DPP6: variants seen among roughly 807,000 people sequenced by gnomAD.
DPP6 encodes A-type potassium channel modulatory protein DPP6.
A neutral mutation model predicts 122.6 loss-of-function variants in DPP6; 69 were observed. That is an observed-to-expected ratio of 0.56 (90% CI 0.46 to 0.69). DPP6 has a LOEUF of 0.69. Ranked by LOEUF, DPP6 falls within the 30% of genes least tolerant of loss-of-function variation. DPP6 has a pLI of 0.00. For synonymous variants in DPP6, 418 were observed against 433.1 expected, an observed-to-expected ratio of 0.97 and a Z score of 0.43; for missense variants, 928 against 1,116.9, an observed-to-expected ratio of 0.83 and a Z score of 2.41.
At chr7:154,209,097 A>G (rs932490260) in intron 1 of DPP6, among the ~76,000 whole-genome samples, 8 of 152,210 alleles carry the variant, frequency 5.3e-5, no homozygotes, top group African/African-American at 1.2e-4. Flanking sequence ...TTTTGTTTCA[A>G]TGAGGATCTG....
At chr7:154,648,294 C>G (rs1345272396) in intron 6 of DPP6, among the ~76,000 whole-genome samples, 2 of 151,946 alleles carry the variant, frequency 1.3e-5, no homozygotes, top group African/African-American at 4.8e-5. Context: ...CACTGAGCCC[C>G]TCGCAAGTGC....
intron 8 of DPP6, among the ~76,000 whole-genome samples, chr7:154,763,158 C>A (rs113541887): frequency 2.6e-5 from 4 of 152,114 alleles, no homozygotes; most frequent in South Asian, 2.1e-4. Flanking sequence ...ATGGTGAAAC[C>A]CCGTCTCTAC....
intron 5 of DPP6, among the ~76,000 whole-genome samples, chr7:154,582,459 A>T (rs1832136175): frequency 6.6e-6 from 1 of 152,164 alleles, no homozygotes; most frequent in African/African-American, 2.4e-5. Flanking sequence ...GAACTAGAGA[A>T]CGGGAAGCTG....
chr7:154,025,240 G>C (rs59871356), intron 1 of DPP6, among the ~76,000 whole-genome samples: 36,190 of 145,630 alleles, frequency 0.25, 5,548 homozygotes, highest in African/African-American at 0.44. Flanking sequence ...CAGCTCAGAA[G>C]ACACTATCTT....
intron 1 of DPP6, among the ~76,000 whole-genome samples, chr7:154,101,935 CAAAAAAAA>C (rs915468915): frequency 2.4e-5 from 1 of 40,828 alleles, no homozygotes; most frequent in Non-Finnish European, 4.9e-5. Context: ...TACTCCATCT[CAAAAAAAA>C]AAAAAAAAAA....
At chr7:154,544,420 G>T (rs969390062) in intron 4 of DPP6, among the ~76,000 whole-genome samples, 9 of 152,222 alleles carry the variant, frequency 5.9e-5, no homozygotes, top group Admixed American at 4.6e-4. Context: ...AAGCTCACTG[G>T]AGCAGGTTCT....
intron 1 of DPP6, among the ~76,000 whole-genome samples, chr7:154,381,869 T>A (rs1813641420): frequency 6.6e-6 from 1 of 152,108 alleles, no homozygotes; most frequent in Non-Finnish European, 1.5e-5. Context: ...GGCCGGGCCC[T>A]TCAAAAACTG....
the DPP6 span, among the ~76,000 whole-genome samples, chr7:153,763,641 G>A: frequency 1.3e-5 from 2 of 152,182 alleles, no homozygotes; most frequent in Non-Finnish European, 2.9e-5. Flanking sequence ...AGAAAAGTGT[G>A]AATAGAAATC....
chr7:153,864,290 T>C, the DPP6 span, among the ~76,000 whole-genome samples: 4 of 152,182 alleles, frequency 2.6e-5, no homozygotes, highest in Admixed American at 2.6e-4. Context: ...GGTTGTGAAA[T>C]GGCAACTCAT....
chr7:154,051,912 G>A (rs1381720161), upstream of DPP6, among the ~76,000 whole-genome samples: 2 of 151,780 alleles, frequency 1.3e-5, no homozygotes, highest in East Asian at 4.0e-4. Context: ...GCTCTCCCAC[G>A]CCCCATTCGC....
At chr7:154,813,334 C>T (rs10257618) in intron 16 of DPP6, among the ~76,000 whole-genome samples, 2,096 of 152,176 alleles carry the variant, frequency 0.014, 45 homozygotes, top group African/African-American at 0.048. Context: ...CTGCCCACCT[C>T]GGCCTCCCAA....
At chr7:154,777,718 G>C (rs1016000349) in intron 10 of DPP6, among the ~76,000 whole-genome samples, 2 of 152,038 alleles carry the variant, frequency 1.3e-5, no homozygotes, top group Non-Finnish European at 2.9e-5. Flanking sequence ...GATCCTGTTT[G>C]GATGCAGCGC....
At chr7:154,322,784 C>T (rs1808089370) in intron 1 of DPP6, among the ~76,000 whole-genome samples, 1 of 152,150 alleles carries the variant, frequency 6.6e-6, no homozygotes, top group South Asian at 2.1e-4. Context: ...AGGCAGTAAA[C>T]ATTGTAGTCT....
chr7:154,892,833 C>G lies in DPP6; in HGVS notation c.*353C>G, dbSNP rs757655824. 1 of 550,086 alleles carries G rather than the reference C, an allele frequency of 1.8e-6. No homozygotes were observed. The highest frequency in any genetic ancestry group is 3.6e-6 in the Non-Finnish European group (1 of 280,870). The allele number at this position is 550,086 out of a possible 1,614,324, so 34.1% of individuals were successfully genotyped here. A position where few individuals can be genotyped will look rare whatever the true frequency, so the allele number is the denominator to read the frequency against. ...ACACCGGCCCCTAGATTCCAGCCAC[C>G]AAGCGGAAGCATGAGACCCGCCCAC... On this transcript the variant is annotated 3_prime_UTR_variant, in exon 26 of 26. Transcript: ENST00000377770.
chr7:154,076,563 A>G (rs1339549981), intron 1 of DPP6, among the ~76,000 whole-genome samples: 1 of 150,958 alleles, frequency 6.6e-6, no homozygotes, highest in East Asian at 1.9e-4. Flanking sequence ...GCCTGAGATT[A>G]AGTAATAATA....
intron 18 of DPP6, among the ~76,000 whole-genome samples, chr7:154,869,592 G>A (rs1025633732): frequency 6.6e-6 from 1 of 152,168 alleles, no homozygotes; most frequent in Non-Finnish European, 1.5e-5. Flanking sequence ...GTGTGGCTGG[G>A]TCTGGAGGCT....
rs116703667 is a variant in DPP6, at chr7:154,566,257, C to T, written c.553-585C>T. Among the ~76,000 whole-genome samples, 189 of 152,026 alleles carry T rather than the reference C, an allele frequency of 1.2e-3. 1 individual carries two copies. Among genetic ancestry groups the T allele is most frequent in the African/African-American group, 4.4e-3 (183 of 41,488 alleles). On this transcript the variant is annotated intron_variant, in intron 4 of 25. Coordinates refer to ENST00000377770, the MANE Select transcript of DPP6 (RefSeq NM_130797.4). ...TTGTAGAAAAGTTTGCTTTTTAACG[C>T]TTATTTCTTTTTCTTTTCTTGCTCT...
chr7:153,876,648 A>G, the DPP6 span, among the ~76,000 whole-genome samples: 1 of 152,080 alleles, frequency 6.6e-6, no homozygotes, highest in Non-Finnish European at 1.5e-5. Flanking sequence ...AACAGCAAAT[A>G]ACACACAGTC....
intron 1 of DPP6, among the ~76,000 whole-genome samples, chr7:153,966,748 C>G (rs1160252107): frequency 6.6e-6 from 1 of 151,734 alleles, no homozygotes; most frequent in African/African-American, 2.4e-5. Flanking sequence ...AACAAAATGA[C>G]AAGCCTCATT....
Sources: allele counts gnomAD v4.1 joint callset (sites outside exome capture counted in the v4.1 genomes callset), GRCh38; gene constraint gnomAD v4.1.1; transcripts MANE v1.5; gene names NCBI Gene and HGNC (gene_info 2026-07-23, HGNC 2026-07-21).